MYH16: variants seen among roughly 807,000 people sequenced by gnomAD.
MYH16 encodes the protein myosin heavy chain 16, also known as putative uncharacterized protein MYH16.
chr7:99,256,523 C>T (rs1791874959), intron 9 of MYH16, among the ~76,000 whole-genome samples: 1 of 152,012 alleles, frequency 6.6e-6, no homozygotes, highest in Non-Finnish European at 1.5e-5. Context: ...GCTGTAATCC[C>T]AGCACTTTGG....
intron 6 of MYH16, among the ~76,000 whole-genome samples, chr7:99,251,781 G>A (rs1165505138): frequency 6.6e-6 from 1 of 152,124 alleles, no homozygotes; most frequent in African/African-American, 2.4e-5. Context: ...ACCAGCCTCG[G>A]CAACAGAGCG....
At chr7:99,273,702 T>C (rs907408108) in intron 20 of MYH16, among the ~76,000 whole-genome samples, 2 of 151,188 alleles carry the variant, frequency 1.3e-5, no homozygotes, top group African/African-American at 4.9e-5. Context: ...GAGACCAGCC[T>C]GGGCAACACA....
chr7:99,240,858 C>T (rs1791659019), intron 1 of MYH16, among the ~76,000 whole-genome samples: 1 of 149,668 alleles, frequency 6.7e-6, no homozygotes, highest in Non-Finnish European at 1.5e-5. Flanking sequence ...AAAAAGGAAG[C>T]CAGAGACCTC....
intron 33 of MYH16, among the ~76,000 whole-genome samples, chr7:99,296,149 A>T (rs1033887815): frequency 1.0e-4 from 13 of 124,766 alleles, no homozygotes; most frequent in Middle Eastern, 4.2e-3. Context: ...ATCTCAATTT[A>T]AAAAAAAAAA....
intron 18 of MYH16, among the ~76,000 whole-genome samples, chr7:99,268,762 T>C (rs1792016460): frequency 6.6e-6 from 1 of 152,208 alleles, no homozygotes; most frequent in Non-Finnish European, 1.5e-5. Context: ...TTTTGAAATA[T>C]CAGGAAATGT....
At chr7:99,245,271 T>C (rs1317010494) in intron 2 of MYH16, among the ~76,000 whole-genome samples, 1 of 152,204 alleles carries the variant, frequency 6.6e-6, no homozygotes, top group Non-Finnish European at 1.5e-5. Context: ...TTTTGAAAAT[T>C]CAACATATCC....
chr7:99,287,840 G>A (rs955932266), intron 28 of MYH16, 52 bp from the exon 10 acceptor site: 14 of 434,540 alleles, frequency 3.2e-5, no homozygotes, highest in African/African-American at 8.1e-5. Flanking sequence ...GTGTCCACCC[G>A]GAAAAGGCTG....
exon 22 of MYH16, chr7:99,279,634 CACTGAGTGCCGCCA>C: frequency 2.2e-6 from 1 of 456,620 alleles, no homozygotes; most frequent in Admixed American, 2.3e-5. Flanking sequence ...ATGGCGGCCT[CACTGAGTGCCGCCA>C]AGCGCAAGTT....
exon 29 of MYH16, chr7:99,287,935 G>A (rs539515877): frequency 2.6e-5 from 12 of 455,954 alleles, no homozygotes; most frequent in South Asian, 6.2e-5. Context: ...CTGAAGCTGC[G>A]GCGGGAGCTG....
chr7:99,275,852 C>G lies in MYH16; in HGVS notation n.2486-1687C>G, dbSNP rs373874876. Among the ~76,000 whole-genome samples, 48 of 152,352 alleles carry G rather than the reference C, an allele frequency of 3.2e-4. 1 individual carries two copies. In the South Asian group the frequency reaches 9.3e-3, roughly 30 times the overall value. ...ATTCAAGCGATTCTCCTGCCTCAAC[C>G]TCCCGAGTAGCTGGGATTAAGGCGC... On this transcript the variant is annotated intron_variant and non_coding_transcript_variant, in intron 20 of 41. Transcript: ENST00000439784.
chr7:99,298,042 G>A, intron 36 of MYH16, 47 bp downstream of exon 17: 1 of 454,972 alleles, frequency 2.2e-6, no homozygotes, highest in South Asian at 1.6e-5. Context: ...AAGTGTGATG[G>A]AGCAGAGTCC....
chr7:99,246,384 T>G (rs73405165), intron 2 of MYH16, among the ~76,000 whole-genome samples: 15,085 of 151,662 alleles, frequency 0.099, 1,015 homozygotes, highest in African/African-American at 0.19. Flanking sequence ...GCCAGATATA[T>G]TAAGTGGCAA....
In MYH16 at chr7:99,261,035, C is replaced by G. The variant is rs1335640534; in HGVS notation, n.1576-419C>G. 3 of 152,012 alleles carry G rather than the reference C, an allele frequency of 2.0e-5. No homozygotes were observed. The East Asian group carries it at 5.8e-4, about 29-fold the overall frequency. 9.4% of individuals were successfully genotyped at this position (152,012 alleles called of 1,614,324 possible). A position where few individuals can be genotyped will look rare whatever the true frequency, so the allele number is the denominator to read the frequency against. On this transcript the variant is annotated intron_variant and non_coding_transcript_variant, in intron 12 of 41. Coordinates refer to ENST00000439784, the Ensembl canonical transcript of MYH16. ...TGAGCCGAGATTGTGCCACTGCACT[C>G]CAGCCTGGGCGACAGAGCGAGACTC... is the stretch of plus-strand genomic sequence containing the variant.
chr7:99,276,024 G>A (rs186025322), intron 20 of MYH16, among the ~76,000 whole-genome samples: 17 of 152,300 alleles, frequency 1.1e-4, no homozygotes, highest in African/African-American at 3.4e-4. Context: ...CACTGCGCCC[G>A]GCCTTTTTAG....
intron 11 of MYH16, among the ~76,000 whole-genome samples, chr7:99,259,055 C>G (rs1017091759): frequency 4.6e-5 from 7 of 152,054 alleles, no homozygotes; most frequent in African/African-American, 1.7e-4. Context: ...CATCAGATCT[C>G]CTGTGAACTC....
At chr7:99,286,127 A>G (rs1792273773) in intron 27 of MYH16, among the ~76,000 whole-genome samples, 1 of 152,252 alleles carries the variant, frequency 6.6e-6, no homozygotes, top group South Asian at 2.1e-4. Context: ...CGGTATCATT[A>G]AATCTCATCC....
intron 29 of MYH16, among the ~76,000 whole-genome samples, chr7:99,288,487 C>T (rs1020187752): frequency 6.6e-5 from 10 of 151,358 alleles, no homozygotes; most frequent in South Asian, 2.1e-4. Flanking sequence ...CAGTGGCTTA[C>T]GCCTGTAATC....
chr7:99,281,518 C>T (rs112025370), intron 23 of MYH16, among the ~76,000 whole-genome samples: 2,223 of 152,240 alleles, frequency 0.015, 66 homozygotes, highest in African/African-American at 0.051. Context: ...GCCAAGATTG[C>T]GCCATTGCAC....
At chr7:99,252,116 C>T (rs139758827) in intron 6 of MYH16, among the ~76,000 whole-genome samples, 2 of 152,264 alleles carry the variant, frequency 1.3e-5, no homozygotes, top group East Asian at 3.9e-4. Context: ...TTCACAGCAG[C>T]GAGAAGCTGC....
Sources: gnomAD v4.1 joint callset for allele counts (sites outside exome capture counted in the v4.1 genomes callset) on GRCh38, gnomAD v4.1.1 for gene constraint, MANE v1.5 for transcripts, NCBI Gene and HGNC (gene_info 2026-07-23, HGNC 2026-07-21) for gene names.